HMCN1: variants seen among roughly 807,000 people sequenced by gnomAD.
HMCN1 encodes hemicentin 1.
HMCN1 carries 321 observed loss-of-function variants against 625.9 expected under a neutral mutation model. That is an observed-to-expected ratio of 0.51 (90% CI 0.47 to 0.56). The LOEUF (loss-of-function observed/expected upper bound fraction) is 0.56. Among genes scored for constraint, HMCN1 ranks in the 20% least tolerant of loss-of-function variants. The pLI, the probability that HMCN1 is intolerant of heterozygous loss-of-function variation, is 0.00. For missense variants in HMCN1, 6,588 were observed against 6,887.3 expected, an observed-to-expected ratio of 0.96 and a Z score of 1.54; for synonymous variants, 2,425 against 2,417.6, an observed-to-expected ratio of 1.00 and a Z score of -0.09.
chr1:186,181,353 C>A, intron 104 of HMCN1, among the ~76,000 whole-genome samples: 1 of 152,106 alleles, frequency 6.6e-6, no homozygotes, highest in Admixed American at 6.6e-5. Flanking sequence ...AAGCAAATAT[C>A]AATTAATTTT....
In HMCN1 at chr1:186,065,425, A is replaced by G; in HGVS notation, c.7701A>G (p.Val2567=). ...AGAGCAGGAGCTTCAGTCTTAATGT[A>G]TTTGGTAGGTGTGGGCTTTTCTTCA... ...GHKSRSFSLN[V]FVSPTIAGVG... is the part of the protein sequence containing the mutation. The change falls in exon 49 of 107, where the codon GTA becomes GTG. Residue 2567 remains valine (V), a synonymous_variant. Coordinates refer to ENST00000271588, the MANE Select transcript of HMCN1 (RefSeq NM_031935.3). 6.3e-7 allele frequency: 1 copy of G among 1,596,408 alleles called. No homozygotes were observed. The highest frequency in any genetic ancestry group is 8.5e-7 in the Non-Finnish European group (1 of 1,176,048).
At chr1:186,122,059 C>A (rs1170353129) in intron 80 of HMCN1, among the ~76,000 whole-genome samples, 1 of 152,092 alleles carries the variant, frequency 6.6e-6, no homozygotes, top group Non-Finnish European at 1.5e-5. Context: ...GGAGTTGTTT[C>A]TTCATGAAAT....
chr1:185,734,767 GA>G lies in HMCN1; in HGVS notation c.-5del, dbSNP rs755887128. 34 of 1,612,890 alleles carry G rather than the reference GA, an allele frequency of 2.1e-5. No individual in the cohort carries two copies. Among genetic ancestry groups the G allele is most frequent in the African/African-American group, 1.5e-4 (11 of 74,904 alleles). On this transcript the variant is annotated 5_prime_UTR_variant, in exon 1 of 107. Transcript: ENST00000271588. Reference sequence around the variant, plus strand: ...AGGCGCTGAGGGGGAAAAAGAGGGGGAAAAAAAAGAAAATGATTTCCTGGGA... The same window carrying G: ...AGGCGCTGAGGGGGAAAAAGAGGGGGAAAAAAAGAAAATGATTTCCTGGGA...
At chr1:186,062,033 T>C in intron 47 of HMCN1, 69 bp downstream of exon 47, 1 of 942,914 alleles carries the variant, frequency 1.1e-6, no homozygotes, top group Non-Finnish European at 1.7e-6. Context: ...AGAGTTAAAA[T>C]TTATTTACCA....
chr1:186,123,005 C>A lies in HMCN1; in HGVS notation c.12284C>A (p.Pro4095His), dbSNP rs761375779. 1 of 1,614,072 alleles carries A rather than the reference C, an allele frequency of 6.2e-7. No homozygotes were observed. The highest frequency in any genetic ancestry group is 8.5e-7 in the Non-Finnish European group (1 of 1,179,998). ...GAATATGTTATTGCTGTGGACAAGC[C>A]CATCACGTTATCCTGTGAAGCAGAT... ...LKEYVIAVDK[P>H]ITLSCEADGL... The change falls in exon 81 of 107, where the codon CCC (proline) becomes CAC (histidine). Residue 4095 changes from proline to histidine, a missense_variant. Pro to His is a moderately conservative substitution (Grantham distance 77). This residue lies in a region of HMCN1 where 1,954 missense variants were observed against 2,013.1 expected (regional missense o/e 0.97). Coordinates refer to ENST00000271588, the MANE Select transcript of HMCN1 (RefSeq NM_031935.3).
chr1:185,967,386 T>C (rs1305711814), intron 14 of HMCN1, among the ~76,000 whole-genome samples: 1 of 152,120 alleles, frequency 6.6e-6, no homozygotes, highest in African/African-American at 2.4e-5. Context: ...TAGAATTTAC[T>C]CTCTGTTTCT....
intron 6 of HMCN1, among the ~76,000 whole-genome samples, chr1:185,919,649 C>T (rs1163571881): frequency 3.3e-5 from 5 of 152,146 alleles, no homozygotes; most frequent in African/African-American, 1.2e-4. Context: ...CATTTACCCT[C>T]AAACCAGCAT....
chr1:185,985,181 G>GT (rs1651924584), intron 19 of HMCN1, among the ~76,000 whole-genome samples: 1 of 152,092 alleles, frequency 6.6e-6, no homozygotes, highest in South Asian at 2.1e-4. Flanking sequence ...ACCTTTCTCA[G>GT]TTTTACGTTA....
Position 185,963,765 on chromosome 1 carries a change from T to C in HMCN1, c.1971-3T>C. 1 of 1,591,736 alleles carries C rather than the reference T, an allele frequency of 6.3e-7. No individual in the cohort carries two copies. Among genetic ancestry groups the C allele is most frequent in the Non-Finnish European group, 8.6e-7 (1 of 1,160,076 alleles). ...TTATATTCTTTTTGTTTTTTATTCA[T>C]AGGTATAGGATGACCTCAGATGGTA... is the stretch of plus-strand genomic sequence containing the variant. On this transcript the variant is annotated splice_polypyrimidine_tract_variant and splice_region_variant and intron_variant, in intron 12 of 106. Transcript: ENST00000271588.
At chr1:185,992,534 A>G (rs1652499872) in intron 22 of HMCN1, among the ~76,000 whole-genome samples, 1 of 152,146 alleles carries the variant, frequency 6.6e-6, no homozygotes, top group South Asian at 2.1e-4. Context: ...TTTTTGTAAT[A>G]TCACCTCTGA....
chr1:186,129,681 C>T lies in HMCN1; in HGVS notation c.12905-285C>T, dbSNP rs575892458. ...CAGACTACGAGCCAGCTTTAAGCAA[C>T]GCATTTAGATGAAAGGTTTACTTTA... On this transcript the variant is annotated intron_variant, in intron 83 of 106. Coordinates refer to ENST00000271588, the MANE Select transcript of HMCN1 (RefSeq NM_031935.3). Among the ~76,000 whole-genome samples the T allele has an allele frequency of 1.1e-4, 16 of 152,170 alleles. No homozygotes were observed. In the South Asian group the frequency reaches 1.9e-3, roughly 18 times the overall value.
In HMCN1 at chr1:186,076,453, G is replaced by A; in HGVS notation, c.8316G>A (p.Trp2772Ter). ...TTCCTCCAAGTTTTCAGAAACTCTG[G>A]GAAATAGGAAACATGCTAGATACTG... ...IQVPPSFQKL[W>*]EIGNMLDTGR... The change falls in exon 54 of 107, where the codon TGG (tryptophan) becomes TGA (stop). Residue 2772 changes from tryptophan to a stop codon, truncating the protein, a stop_gained. Coordinates refer to ENST00000271588, the MANE Select transcript of HMCN1 (RefSeq NM_031935.3). LOFTEE classifies it high-confidence loss of function. 6.2e-7 allele frequency: 1 copy of A among 1,613,498 alleles called. No homozygotes were observed. Among genetic ancestry groups the A allele is most frequent in the Non-Finnish European group, 8.5e-7 (1 of 1,179,738 alleles).
chr1:186,166,249 T>A lies in HMCN1; in HGVS notation c.15385T>A (p.Tyr5129Asn). ...CTGCCACAATGCCATGGGGACTTAC[T>A]ACTGCTCCTGCCCTAAAGGCCTCAC... is the stretch of plus-strand genomic sequence containing the variant. ...HSCHNAMGTYYCSCPKGLTIA... is the reference protein window; with the variant it reads ...HSCHNAMGTYNCSCPKGLTIA... Residue 5129 changes from tyrosine to asparagine, a missense_variant, in exon 99 of 107, where the codon TAC becomes AAC. This residue lies in a region of HMCN1 where 1,954 missense variants were observed against 2,013.1 expected (regional missense o/e 0.97). Coordinates refer to ENST00000271588, the MANE Select transcript of HMCN1 (RefSeq NM_031935.3). The A allele has an allele frequency of 1.2e-6, 2 of 1,614,162 alleles. No individual in the cohort carries two copies. The highest frequency in any genetic ancestry group is 1.7e-6 in the Non-Finnish European group (2 of 1,180,006).
rs73042553 is a variant in HMCN1 at position 186,145,142 on chromosome 1, C to T, written c.14267-261C>T. On this transcript the variant is annotated intron_variant, in intron 91 of 106. Coordinates refer to ENST00000271588, the MANE Select transcript of HMCN1 (RefSeq NM_031935.3). ...AAGCAGAGGTCCTGTCTCATTTATA[C>T]CCTCCAGCTCCTGGAATATTTTAAG... is the stretch of plus-strand genomic sequence containing the variant. 8.3e-3 allele frequency among the ~76,000 whole-genome samples: 1,266 copies of T among 152,302 alleles called. 21 individuals are homozygous for T. Among genetic ancestry groups the T allele is most frequent in the African/African-American group, 0.029 (1,212 of 41,566 alleles).
chr1:186,158,250 T>C (rs2102594505), intron 97 of HMCN1, among the ~76,000 whole-genome samples: 1 of 150,952 alleles, frequency 6.6e-6, no homozygotes, highest in Non-Finnish European at 1.5e-5. Context: ...TTTTGAGAAG[T>C]GTCTGTTCAT....
intron 4 of HMCN1, among the ~76,000 whole-genome samples, chr1:185,895,114 C>T (rs900746032): frequency 6.6e-6 from 1 of 152,072 alleles, no homozygotes; most frequent in Middle Eastern, 3.4e-3. Flanking sequence ...TTTTGTTACA[C>T]ATATTTACAA....
rs540366051 is a variant in HMCN1 at position 185,952,416 on chromosome 1, G to A, written c.1829-10102G>A. On this transcript the variant is annotated intron_variant, in intron 11 of 106. Coordinates refer to ENST00000271588, the MANE Select transcript of HMCN1 (RefSeq NM_031935.3). The stretch of plus-strand genomic sequence containing the variant: ...AAAAGGAAGATTAGAAAGACTCAGC[G>A]ACGCTTGGGGTTGGTACTGAGGGGA... Among the ~76,000 whole-genome samples the A allele has an allele frequency of 4.3e-3, 646 of 151,664 alleles. 7 individuals are homozygous for A. Among genetic ancestry groups the A allele is most frequent in the South Asian group, 8.3e-3 (40 of 4,808 alleles).
chr1:186,059,005 C>T (rs1440084813), intron 46 of HMCN1, among the ~76,000 whole-genome samples: 1 of 151,846 alleles, frequency 6.6e-6, no homozygotes, highest in Non-Finnish European at 1.5e-5. Context: ...ACTTGTAAAG[C>T]GATAATAATA....
chr1:185,891,490 T>C (rs1665080705), intron 4 of HMCN1, among the ~76,000 whole-genome samples: 1 of 148,180 alleles, frequency 6.7e-6, no homozygotes, highest in African/African-American at 2.7e-5. Context: ...TCAGGAGCTC[T>C]TTTAGGGCAG....
Sources: gnomAD v4.1 joint callset for allele counts (sites outside exome capture counted in the v4.1 genomes callset) on GRCh38, gnomAD v4.1.1 for gene constraint, gnomAD v4.1.1 regional missense constraint, MANE v1.5 for transcripts, NCBI Gene and HGNC (gene_info 2026-07-23, HGNC 2026-07-21) for gene names.